NRXN3: variants seen among roughly 807,000 people sequenced by gnomAD.
The protein encoded by NRXN3 is neurexin III.
NRXN3 carries 32 observed loss-of-function variants against 137.6 expected under a neutral mutation model. The observed-to-expected ratio is 0.23, with a 90% CI of 0.18 to 0.31. The LOEUF (loss-of-function observed/expected upper bound fraction) is 0.31. Ranked by LOEUF, NRXN3 falls within the 10% of genes least tolerant of loss-of-function variation. NRXN3 has a pLI of 1.00. For synonymous variants in NRXN3, 798 were observed against 784.5 expected (o/e 1.02, Z -0.29); for missense variants, 1,574 against 2,062.5 (o/e 0.76, Z 4.59).
intron 4 of NRXN3, among the ~76,000 whole-genome samples, chr14:78,627,332 G>A (rs1043367927): frequency 6.6e-6 from 1 of 152,090 alleles, no homozygotes; most frequent in African/African-American, 2.4e-5. Flanking sequence ...GAGTCATTTA[G>A]GCAGCATTCT....
intron 1 of NRXN3, among the ~76,000 whole-genome samples, chr14:78,197,325 C>T (rs2061321759): frequency 6.6e-6 from 1 of 152,220 alleles, no homozygotes; most frequent in African/African-American, 2.4e-5. Context: ...AGCATTTACT[C>T]CCCACGCCTC....
At chr14:79,023,703 C>A (rs2099593566) in intron 15 of NRXN3, among the ~76,000 whole-genome samples, 1 of 152,040 alleles carries the variant, frequency 6.6e-6, no homozygotes, top group South Asian at 2.1e-4. Flanking sequence ...AGGAGAAGTG[C>A]CGAGCAAAGG....
chr14:79,149,460 T>A lies in NRXN3; in HGVS notation c.3262+161319T>A, dbSNP rs551416426. Among the ~76,000 whole-genome samples the A allele has an allele frequency of 3.6e-4, 55 of 152,226 alleles. 1 individual carries two copies. The South Asian group carries it at 0.011, about 31-fold the overall frequency. ...ATTGAAAGCATAGGTGATTATTTGT[T>A]CCTTGTATCTTTCAGAAAAAATCAA... is the stretch of plus-strand genomic sequence containing the variant. On this transcript the variant is annotated intron_variant, in intron 15 of 20. Transcript: ENST00000335750.
intron 5 of NRXN3, among the ~76,000 whole-genome samples, chr14:78,648,373 GT>G (rs1669325757): frequency 6.6e-6 from 1 of 152,148 alleles, no homozygotes; most frequent in African/African-American, 2.4e-5. Context: ...TTCTAATCAT[GT>G]TTAACCTGCC....
At chr14:79,051,576 A>T (rs1271610680) in intron 15 of NRXN3, among the ~76,000 whole-genome samples, 1 of 152,208 alleles carries the variant, frequency 6.6e-6, no homozygotes, top group Non-Finnish European at 1.5e-5. Flanking sequence ...AGAAACATTT[A>T]TGCTTAGCTA....
chr14:79,562,486 A>G (rs1460023263), intron 16 of NRXN3, among the ~76,000 whole-genome samples: 1 of 152,176 alleles, frequency 6.6e-6, no homozygotes, highest in East Asian at 1.9e-4. Context: ...GTATCATATA[A>G]AATGATACTG....
At chr14:78,181,033 C>T (rs2059761061) in intron 1 of NRXN3, among the ~76,000 whole-genome samples, 1 of 152,236 alleles carries the variant, frequency 6.6e-6, no homozygotes, top group Non-Finnish European at 1.5e-5. Flanking sequence ...ACCAGGCTTG[C>T]TAACTGATAG....
intron 15 of NRXN3, among the ~76,000 whole-genome samples, chr14:79,399,866 G>T (rs1232997651): frequency 6.6e-6 from 1 of 152,138 alleles, no homozygotes; most frequent in Non-Finnish European, 1.5e-5. Context: ...CTCTAGGGGA[G>T]AATTCTTCCT....
intron 19 of NRXN3, among the ~76,000 whole-genome samples, chr14:79,746,183 G>A (rs1239620308): frequency 6.6e-6 from 1 of 152,090 alleles, no homozygotes; most frequent in Non-Finnish European, 1.5e-5. Flanking sequence ...CCCTAAACTT[G>A]CTGAAACATA....
At chr14:79,048,918 G>C (rs976026266) in intron 15 of NRXN3, among the ~76,000 whole-genome samples, 12 of 147,726 alleles carry the variant, frequency 8.1e-5, no homozygotes, top group East Asian at 2.0e-4. Context: ...AGCTACACAG[G>C]AGGCTGAGGC....
intron 15 of NRXN3, among the ~76,000 whole-genome samples, chr14:79,425,287 G>A (rs1021123961): frequency 2.6e-5 from 4 of 152,154 alleles, no homozygotes; most frequent in South Asian, 2.1e-4. Context: ...GGACTAGCTC[G>A]ATCACTGGCA....
intron 4 of NRXN3, among the ~76,000 whole-genome samples, chr14:78,454,358 G>T (rs1436368286): frequency 1.3e-5 from 2 of 151,612 alleles, no homozygotes; most frequent in African/African-American, 2.4e-5. Context: ...GGTACCCTGT[G>T]GTGGGAACAA....
At chr14:79,712,628 CTCGTTA>C (rs1188145589) in intron 19 of NRXN3, among the ~76,000 whole-genome samples, 3 of 152,168 alleles carry the variant, frequency 2.0e-5, no homozygotes, top group Admixed American at 1.3e-4. Flanking sequence ...AATGAATACC[CTCGTTA>C]TCTCGTTAGC....
intron 15 of NRXN3, among the ~76,000 whole-genome samples, chr14:79,240,421 T>A (rs574206865): frequency 6.6e-6 from 1 of 152,286 alleles, no homozygotes; most frequent in Admixed American, 6.5e-5. Context: ...TACTCTTATG[T>A]TAGTTTCCCT....
chr14:78,956,286 C>A (rs2099396647), intron 10 of NRXN3, among the ~76,000 whole-genome samples: 1 of 152,134 alleles, frequency 6.6e-6, no homozygotes, highest in African/African-American at 2.4e-5. Flanking sequence ...TTTAAATTTG[C>A]ATTTCAGATC....
chr14:79,413,144 C>A (rs538737933), intron 15 of NRXN3, among the ~76,000 whole-genome samples: 43 of 152,126 alleles, frequency 2.8e-4, no homozygotes, highest in African/African-American at 1.0e-3. Flanking sequence ...TATCACATCA[C>A]CTCTGCCATC....
chr14:79,619,342 C>T (rs561737576), intron 16 of NRXN3, among the ~76,000 whole-genome samples: 89 of 152,134 alleles, frequency 5.9e-4, no homozygotes, highest in African/African-American at 2.0e-3. Flanking sequence ...TTTTAGGTCT[C>T]ACATTTAAGT....
intron 4 of NRXN3, among the ~76,000 whole-genome samples, chr14:78,303,681 C>A (rs2077090936): frequency 6.6e-6 from 1 of 152,162 alleles, no homozygotes; most frequent in Non-Finnish European, 1.5e-5. Context: ...CTTGCATCCA[C>A]ACTGCATTCT....
intron 16 of NRXN3, among the ~76,000 whole-genome samples, chr14:79,552,760 G>A (rs2097386410): frequency 6.6e-6 from 1 of 152,110 alleles, no homozygotes; most frequent in Admixed American, 6.6e-5. Context: ...CTATAGGAAA[G>A]TGAGGGACAG....
Sources: gnomAD v4.1 joint callset for allele counts (sites outside exome capture counted in the v4.1 genomes callset) on GRCh38, gnomAD v4.1.1 for gene constraint, MANE v1.5 for transcripts, NCBI Gene and HGNC (gene_info 2026-07-23, HGNC 2026-07-21) for gene names.